Variants in FAM124B observed in about 807,000 individuals in gnomAD.
The protein encoded by FAM124B is protein FAM124B.
Under a neutral mutation model 19.7 loss-of-function variants are expected in FAM124B, and 18 were observed. The observed-to-expected ratio is 0.92, with a 90% confidence interval of 0.63 to 1.36. The LOEUF (loss-of-function observed/expected upper bound fraction) is 1.36, where lower values mean the gene tolerates loss of function less well. Among genes scored for constraint, FAM124B ranks in the 40% most tolerant of loss-of-function variants. FAM124B has a pLI of 0.00. For synonymous variants in FAM124B, 223 were observed against 225.2 expected, an observed-to-expected ratio of 0.99 and a Z score of 0.09; for missense variants, 540 against 553.3, an observed-to-expected ratio of 0.98 and a Z score of 0.24.
intron 1 of FAM124B, among the ~76,000 whole-genome samples, chr2:224,393,300 C>T (rs1689917974): frequency 6.6e-6 from 1 of 152,168 alleles, no homozygotes; most frequent in Non-Finnish European, 1.5e-5. Flanking sequence ...TCAGGAAAAG[C>T]CTCCAGAATG....
At position 224,401,088 on chromosome 2, in the gene FAM124B, G is replaced by C. The variant is rs779739106; in HGVS notation, c.681C>G (p.Ser227Arg). The change falls in exon 1 of 2, where the codon AGC becomes AGG. Residue 227 changes from serine (S) to arginine (R), a missense_variant. Physicochemically the swap from Ser to Arg is moderately radical, Grantham distance 110 (BLOSUM62 -1). Transcript: ENST00000409685. ...AGTCCTGAGTCTGCCACCTGGTGCT[G>C]CTGATAGGCATGCATGGATTGGGTA... ...PLLPNPCMPI[S>R]STRWQTQDYD... 71 of 1,613,310 alleles carry C rather than the reference G, an allele frequency of 4.4e-5. No individual in the cohort carries two copies. The Middle Eastern group carries it at 4.9e-4, about 11-fold the overall frequency.
At position 224,401,534 on chromosome 2, in the gene FAM124B, C is replaced by T. The variant is rs753862411; in HGVS notation, c.235G>A (p.Glu79Lys). 1.2e-5 allele frequency: 19 copies of T among 1,614,012 alleles called. No individual in the cohort carries two copies. The East Asian group carries it at 2.0e-4, about 17-fold the overall frequency. The change falls in exon 1 of 2, where the codon GAG (glutamate) becomes AAG (lysine). Residue 79 changes from glutamate to lysine, a missense_variant. Transcript: ENST00000409685. Reference protein sequence around the residue: ...VLLFLHESPGEDRLFRVLDSL... With the variant: ...VLLFLHESPGKDRLFRVLDSL... ...TCCAGGACGCGAAATAGCCTATCCT[C>T]TCCCGGGCTTTCGTGCAGGAAGAGC...
At chr2:224,393,465 T>A (rs887279180) in intron 1 of FAM124B, among the ~76,000 whole-genome samples, 2 of 152,222 alleles carry the variant, frequency 1.3e-5, no homozygotes, top group Non-Finnish European at 2.9e-5. Context: ...AGGTTTTATC[T>A]TGTAATTTAT....
intron 1 of FAM124B, among the ~76,000 whole-genome samples, chr2:224,384,729 A>T (rs531850205): frequency 1.3e-5 from 2 of 152,240 alleles, no homozygotes; most frequent in South Asian, 2.1e-4. Context: ...AGATGCTGTC[A>T]CCAGTTAGCA....
intron 1 of FAM124B, among the ~76,000 whole-genome samples, chr2:224,381,309 C>T (rs66767914): frequency 0.18 from 27,327 of 151,892 alleles, 2,685 homozygotes; most frequent in East Asian, 0.28. Flanking sequence ...ATAAAAACAT[C>T]AGCCAGACGT....
rs1690065539 is a variant in FAM124B, at chr2:224,401,263, C to T, written c.506G>A (p.Ser169Asn). The T allele has an allele frequency of 1.9e-6, 3 of 1,613,950 alleles. No individual in the cohort carries two copies. Among genetic ancestry groups the T allele is most frequent in the Non-Finnish European group, 2.5e-6 (3 of 1,180,024 alleles). ...ILQREATLQK[S>N]NFCFFVLYAS... ...ATAGAGCACGAAGAAACAAAAATTG[C>T]TCTTTTGCAAGGTCGCTTCTCTCTG... Residue 169 changes from serine (S) to asparagine (N), a missense_variant, in exon 1 of 2, where the codon AGC becomes AAC. Transcript: ENST00000409685.
chr2:224,401,850 C>T lies in FAM124B; in HGVS notation c.-82G>A. On this transcript the variant is annotated 5_prime_UTR_variant, in exon 1 of 2. Coordinates refer to ENST00000409685, the MANE Select transcript of FAM124B (RefSeq NM_001122779.2). ...TTTCTGAAATGAATGAAGAAGCGGC[C>T]CAGCCTTCAGCCCGCCTGAAAACCT... 6.7e-7 allele frequency: 1 copy of T among 1,498,688 alleles called. No homozygotes were observed. Among genetic ancestry groups the T allele is most frequent in the Non-Finnish European group, 9.0e-7 (1 of 1,115,966 alleles). 92.8% of individuals were successfully genotyped at this position (1,498,688 alleles called of 1,614,324 possible).
intron 1 of FAM124B, chr2:224,399,671 G>A (rs1304759505): frequency 6.6e-6 from 1 of 152,042 alleles, no homozygotes; most frequent in Non-Finnish European, 1.5e-5. Flanking sequence ...TTCCTATCTT[G>A]GGCAAATAAC....
intron 1 of FAM124B, among the ~76,000 whole-genome samples, chr2:224,388,246 T>C (rs994880766): frequency 6.6e-6 from 1 of 152,204 alleles, no homozygotes; most frequent in African/African-American, 2.4e-5. Flanking sequence ...CCCTTGAGCT[T>C]CATGGGAGGT....
intron 1 of FAM124B, among the ~76,000 whole-genome samples, chr2:224,395,723 T>G (rs934119720): frequency 3.9e-5 from 6 of 152,224 alleles, no homozygotes; most frequent in Non-Finnish European, 8.8e-5. Flanking sequence ...CTATTTGATA[T>G]GCTCATATCG....
chr2:224,401,808 A>C lies in FAM124B; in HGVS notation c.-40T>G. 1 of 1,577,366 alleles carries C rather than the reference A, an allele frequency of 6.3e-7. No individual in the cohort carries two copies. Among genetic ancestry groups the C allele is most frequent in the Non-Finnish European group, 8.6e-7 (1 of 1,162,210 alleles). ...AGGCTGACAAAGACAGCGTGTGTAGAAGGCCCACTGTTCAAGTTTCTGAAA... is the reference window on the plus strand; with the variant it reads ...AGGCTGACAAAGACAGCGTGTGTAGCAGGCCCACTGTTCAAGTTTCTGAAA... On this transcript the variant is annotated 5_prime_UTR_variant, in exon 1 of 2. Coordinates refer to ENST00000409685, the MANE Select transcript of FAM124B (RefSeq NM_001122779.2).
chr2:224,401,265 C>G lies in FAM124B; in HGVS notation c.504G>C (p.Lys168Asn). 1 of 1,614,032 alleles carries G rather than the reference C, an allele frequency of 6.2e-7. No individual in the cohort carries two copies. Residue 168 changes from lysine (K) to asparagine (N), a missense_variant, in exon 1 of 2, where the codon AAG becomes AAC. Coordinates refer to ENST00000409685, the MANE Select transcript of FAM124B (RefSeq NM_001122779.2). Reference sequence around the variant, plus strand: ...AGAGCACGAAGAAACAAAAATTGCTCTTTTGCAAGGTCGCTTCTCTCTGCA... The same window carrying G: ...AGAGCACGAAGAAACAAAAATTGCTGTTTTGCAAGGTCGCTTCTCTCTGCA... ...MILQREATLQ[K>N]SNFCFFVLYA...
chr2:224,387,234 A>G (rs1026426207), intron 1 of FAM124B, among the ~76,000 whole-genome samples: 6 of 152,208 alleles, frequency 3.9e-5, no homozygotes, highest in Non-Finnish European at 8.8e-5. Flanking sequence ...ATAGATTGAG[A>G]GCTAGGTTTT....
chr2:224,401,039 G>A lies in FAM124B; in HGVS notation c.730C>T (p.Gln244Ter), dbSNP rs1290591908. The A allele has an allele frequency of 1.3e-6, 2 of 1,590,624 alleles. No homozygotes were observed. Among genetic ancestry groups the A allele is most frequent in the East Asian group, 4.5e-5 (2 of 44,528 alleles). Residue 244 changes from glutamine (Q) to a stop codon, truncating the protein, a stop_gained and splice_region_variant, in exon 1 of 2, where the codon CAG becomes TAG. Transcript: ENST00000409685. LOFTEE classifies it low-confidence loss of function (END_TRUNC). ...QDYDGNKILL[Q>*]VQLNPELGVK... ...GATCTGAGACAAAACAGAAATACCT[G>A]AAGCAGAATCTTGTTGCCATCGTAG...
intron 1 of FAM124B, among the ~76,000 whole-genome samples, chr2:224,396,193 G>T (rs1377189259): frequency 2.0e-5 from 3 of 152,068 alleles, no homozygotes; most frequent in Non-Finnish European, 2.9e-5. Context: ...CAGGCCACCT[G>T]CCCATCCTCT....
intron 1 of FAM124B, among the ~76,000 whole-genome samples, chr2:224,394,944 C>T (rs1226830606): frequency 2.0e-5 from 3 of 152,228 alleles, no homozygotes; most frequent in Non-Finnish European, 4.4e-5. Context: ...TGTGATACCA[C>T]ACAGAACACC....
intron 1 of FAM124B, among the ~76,000 whole-genome samples, chr2:224,399,167 C>T (rs1326427133): frequency 6.6e-6 from 1 of 152,190 alleles, no homozygotes; most frequent in African/African-American, 2.4e-5. Flanking sequence ...ACTGTGGTTC[C>T]ATAGCAAAAA....
In FAM124B at chr2:224,379,810, A is replaced by AG. The variant is rs1226864619; in HGVS notation, c.1130dup (p.Tyr378LeufsTer35). 1 of 1,551,892 alleles carries AG rather than the reference A, an allele frequency of 6.4e-7. No individual in the cohort carries two copies. Among genetic ancestry groups the AG allele is most frequent in the South Asian group, 1.2e-5 (1 of 84,060 alleles). ...AATCCCTTGGAAATCCGCCAAAATA[A>AG]GTCTGCCTGGGTTCAGAATTTATGA... On this transcript the variant is annotated frameshift_variant, in exon 2 of 2. Coordinates refer to ENST00000409685, the MANE Select transcript of FAM124B (RefSeq NM_001122779.2). LOFTEE classifies it low-confidence loss of function (END_TRUNC).
chr2:224,380,173 G>A lies in FAM124B; in HGVS notation c.768C>T (p.Gly256=). ...GGGGAAGCATGCCAGCTCCCAAGAT[G>A]CCATTCTTAACACCAAGTTCTGGAT... ...QLNPELGVKN[G]ILGAGMLPLG... The change falls in exon 2 of 2, where the codon GGC becomes GGT. Residue 256 remains glycine, a synonymous_variant. Coordinates refer to ENST00000409685, the MANE Select transcript of FAM124B (RefSeq NM_001122779.2). 1 of 1,550,080 alleles carries A rather than the reference G, an allele frequency of 6.5e-7. No individual in the cohort carries two copies. The highest frequency in any genetic ancestry group is 1.2e-5 in the South Asian group (1 of 83,954).
Sources: gnomAD v4.1 joint callset for allele counts (sites outside exome capture counted in the v4.1 genomes callset) on GRCh38, gnomAD v4.1.1 for gene constraint, MANE v1.5 for transcripts, NCBI Gene and HGNC (gene_info 2026-07-23, HGNC 2026-07-21) for gene names.